NME7: variants seen among roughly 807,000 people sequenced by gnomAD.
NME7 encodes the protein nucleoside diphosphate kinase 7.
In NME7, 41 loss-of-function variants were observed where a neutral mutation model predicts 49.1. The observed-to-expected ratio is 0.83, with a 90% CI of 0.65 to 1.08. The LOEUF is 1.08. NME7 is among the 50% of genes least tolerant of loss of function. The probability of loss-of-function intolerance (pLI) is 0.00; values close to 1 mark genes in which losing one functional copy is unlikely to be tolerated. For missense variants in NME7, 423 were observed against 463.4 expected (o/e 0.91, Z 0.80); for synonymous variants, 139 against 150.6 (o/e 0.92, Z 0.56).
intron 9 of NME7, 65 bp downstream of exon 9, chr1:169,235,065 CA>C: frequency 1.1e-6 from 1 of 879,460 alleles, no homozygotes. Context: ...GAGCTTAGTC[CA>C]AAACACTGCA....
At position 169,367,643 on chromosome 1, in the gene NME7, G is replaced by T. The variant is rs948813558; in HGVS notation, c.3+65C>A. ...GACAACTTTAAGTGCCCATCCGCCC[G>T]AAGACTTGGAAAGCTAAGTAAGTAG... On this transcript the variant is annotated intron_variant, in intron 1 of 11. Coordinates refer to ENST00000367811, the MANE Select transcript of NME7 (RefSeq NM_013330.5). The T allele has an allele frequency of 2.5e-6, 4 of 1,604,904 alleles. No individual in the cohort carries two copies. The South Asian group carries it at 3.3e-5, about 13-fold the overall frequency.
intron 4 of NME7, among the ~76,000 whole-genome samples, chr1:169,308,293 C>T (rs1231888610): frequency 6.6e-6 from 1 of 152,132 alleles, no homozygotes; most frequent in Non-Finnish European, 1.5e-5. Flanking sequence ...ACTTGAATGT[C>T]TACTGCTCCC....
At chr1:169,350,878 A>T (rs1188794445) in intron 1 of NME7, among the ~76,000 whole-genome samples, 11 of 152,172 alleles carry the variant, frequency 7.2e-5, no homozygotes, top group Non-Finnish European at 1.5e-5. Context: ...GAGGTAGAAG[A>T]CATGTGGGCC....
At chr1:169,322,972 A>G in intron 3 of NME7, 145 bp downstream of exon 3, 1 of 581,388 alleles carries the variant, frequency 1.7e-6, no homozygotes, top group Non-Finnish European at 2.7e-6. Flanking sequence ...ATTTTTTTTT[A>G]AATTGAAAAA....
At chr1:169,238,954 G>A (rs1005479996) in intron 7 of NME7, among the ~76,000 whole-genome samples, 30 of 151,970 alleles carry the variant, frequency 2.0e-4, no homozygotes, top group African/African-American at 6.8e-4. Context: ...GCACTTGTAT[G>A]TGCAAAAGTT....
chr1:169,136,606 C>T (rs35037551), intron 11 of NME7, among the ~76,000 whole-genome samples: 17,117 of 152,204 alleles, frequency 0.11, 2,196 homozygotes, highest in East Asian at 0.73. Flanking sequence ...CTATTCTCAT[C>T]GATACCACTT....
At chr1:169,354,731 T>TAC (rs1352410279) in intron 1 of NME7, among the ~76,000 whole-genome samples, 1 of 141,866 alleles carries the variant, frequency 7.0e-6, no homozygotes. Flanking sequence ...TATACACACA[T>TAC]ACACACACCT....
rs1271996067 is a variant in NME7, at chr1:169,318,087, G to A, written c.278+5030C>T. On this transcript the variant is annotated intron_variant, in intron 3 of 11. Coordinates refer to ENST00000367811, the MANE Select transcript of NME7 (RefSeq NM_013330.5). Reference sequence around the variant, plus strand: ...TAGTGCTCTCTCTCCTGTGCTCCATGGGCTGGGAGGCAGGATGAGAACCCT... The same window carrying A: ...TAGTGCTCTCTCTCCTGTGCTCCATAGGCTGGGAGGCAGGATGAGAACCCT... 2.0e-5 allele frequency among the ~76,000 whole-genome samples: 3 copies of A among 152,252 alleles called. No individual in the cohort carries two copies. In the East Asian group the frequency reaches 5.8e-4, roughly 29 times the overall value.
intron 7 of NME7, chr1:169,247,045 C>T: frequency 8.8e-6 from 4 of 456,244 alleles, no homozygotes; most frequent in South Asian, 6.2e-5. Context: ...AAAGAGTAGT[C>T]AGGGGTTCCT....
chr1:169,360,501 G>C (rs978069245), intron 1 of NME7, among the ~76,000 whole-genome samples: 1 of 152,164 alleles, frequency 6.6e-6, no homozygotes, highest in South Asian at 2.1e-4. Context: ...TCCCTCCCAA[G>C]TTCCATAAGT....
At chr1:169,340,936 T>A (rs938389546) in intron 1 of NME7, among the ~76,000 whole-genome samples, 1 of 152,156 alleles carries the variant, frequency 6.6e-6, no homozygotes, top group Non-Finnish European at 1.5e-5. Context: ...TTGGAACTTA[T>A]GTAAAGGTTT....
At chr1:169,285,387 G>A (rs944417231) in intron 7 of NME7, 1 of 152,118 alleles carries the variant, frequency 6.6e-6, no homozygotes, top group Non-Finnish European at 1.5e-5. Flanking sequence ...TAAGAAAAAT[G>A]AGTGAAACAT....
intron 1 of NME7, among the ~76,000 whole-genome samples, chr1:169,335,403 T>C (rs571779674): frequency 6.6e-6 from 1 of 152,220 alleles, no homozygotes; most frequent in East Asian, 1.9e-4. Flanking sequence ...ATCATGTCCT[T>C]TGCAGGGACA....
intron 5 of NME7, 112 bp downstream of exon 5, chr1:169,303,033 C>A: frequency 1.6e-6 from 1 of 636,078 alleles, no homozygotes; most frequent in South Asian, 2.0e-5. Flanking sequence ...CAAGATGTTG[C>A]TATGGCCCTT....
At position 169,180,626 on chromosome 1, in the gene NME7, C is replaced by T. The variant is rs541123317; in HGVS notation, c.991-11072G>A. ...ACCATCTAATCTTCTCCTATAATTA[C>T]CAATAGCAATGTTGTCAAAAAGAAA... On this transcript the variant is annotated intron_variant, in intron 10 of 11. Coordinates refer to ENST00000367811, the MANE Select transcript of NME7 (RefSeq NM_013330.5). 8.5e-5 allele frequency among the ~76,000 whole-genome samples: 13 copies of T among 152,238 alleles called. No individual in the cohort carries two copies. In the South Asian group the frequency reaches 2.7e-3, roughly 32 times the overall value.
Position 169,310,092 on chromosome 1 carries a change from C to CA in NME7, c.279-13dup, listed in dbSNP as rs1399469759. 6.3e-5 allele frequency: 95 copies of CA among 1,504,902 alleles called. No individual in the cohort carries two copies. Among genetic ancestry groups the CA allele is most frequent in the Non-Finnish European group, 8.6e-5 (95 of 1,101,266 alleles). The allele number at this position is 1,504,902 out of a possible 1,614,324, so 93.2% of individuals were successfully genotyped here. ...TTAGGGCTAGCGTTCTATAAGGAAA[C>CA]AAAAAATAAGTTTGCAAATAAAAAT... is the stretch of plus-strand genomic sequence containing the variant. On this transcript the variant is annotated splice_polypyrimidine_tract_variant and intron_variant, in intron 3 of 11. Coordinates refer to ENST00000367811, the MANE Select transcript of NME7 (RefSeq NM_013330.5).
In NME7 at chr1:169,303,170, C is replaced by T; in HGVS notation, c.415G>A (p.Asp139Asn). 6.4e-7 allele frequency: 1 copy of T among 1,567,936 alleles called. No homozygotes were observed. The highest frequency in any genetic ancestry group is 8.7e-7 in the Non-Finnish European group (1 of 1,152,594). Reference protein sequence around the residue: ...SRKEALDFHVDHQSRPFFNEL... With the variant: ...SRKEALDFHVNHQSRPFFNEL... ...TTGAAAAAGGGTCTTGACTGGTGAT[C>T]TACATGAAAATCCAATGCTTCTTTC... The change falls in exon 5 of 12, where the codon GAT becomes AAT. Residue 139 changes from aspartate (D) to asparagine (N), a missense_variant. Transcript: ENST00000367811.
intron 11 of NME7, among the ~76,000 whole-genome samples, chr1:169,165,679 C>T (rs1471484748): frequency 5.3e-5 from 8 of 152,280 alleles, no homozygotes; most frequent in African/African-American, 1.7e-4. Flanking sequence ...TTGTGTCACT[C>T]GGATTTTCAC....
intron 7 of NME7, chr1:169,284,996 C>G (rs1225210908): frequency 6.6e-6 from 1 of 151,998 alleles, no homozygotes; most frequent in South Asian, 2.1e-4. Flanking sequence ...TAAACAAGAA[C>G]TTTTTCAAAA....
Sources: allele counts gnomAD v4.1 joint callset (sites outside exome capture counted in the v4.1 genomes callset), GRCh38; gene constraint gnomAD v4.1.1; transcripts MANE v1.5; gene names NCBI Gene and HGNC (gene_info 2026-07-23, HGNC 2026-07-21).